The following DET1 variants were observed in gnomAD, a reference collection of about 807,000 sequenced individuals.
The protein encoded by DET1 is DET1 partner of COP1 E3 ubiquitin ligase, also known as DET1 homolog.
In DET1, 22 loss-of-function variants were observed where a neutral mutation model predicts 43.7. That is an observed-to-expected ratio of 0.50 (90% CI 0.36 to 0.72). DET1 has a LOEUF of 0.72. Ranked by LOEUF, DET1 falls within the 30% of genes least tolerant of loss-of-function variation. The probability of loss-of-function intolerance (pLI) is 0.00; values close to 1 mark genes in which losing one functional copy is unlikely to be tolerated. For synonymous variants in DET1, 315 were observed against 266.2 expected (o/e 1.18, Z -1.79); for missense variants, 713 against 713.3 (o/e 1.00, Z 0.00).
rs541072211 is a variant in DET1 at position 88,517,157 on chromosome 15, A to G, written c.1272-184T>C. On this transcript the variant is annotated intron_variant, in intron 3 of 4. Transcript: ENST00000268148. ...AGTCTGGCCAGCTACAAATACTTTTAAAAAGCAAAACATATAACTAAAAAT... is the reference window on the plus strand; with the variant it reads ...AGTCTGGCCAGCTACAAATACTTTTGAAAAGCAAAACATATAACTAAAAAT... 2.6e-5 allele frequency among the ~76,000 whole-genome samples: 4 copies of G among 152,320 alleles called. No individual in the cohort carries two copies. The East Asian group carries it at 7.7e-4, about 29-fold the overall frequency.
chr15:88,529,809 G>T, intron 2 of DET1, among the ~76,000 whole-genome samples: 1 of 152,216 alleles, frequency 6.6e-6, no homozygotes, highest in Middle Eastern at 3.2e-3. Flanking sequence ...CACTGAAGTG[G>T]AGAGGTTTTC....
intron 1 of DET1, among the ~76,000 whole-genome samples, chr15:88,535,336 A>G (rs1467721225): frequency 6.6e-6 from 1 of 152,102 alleles, no homozygotes; most frequent in Non-Finnish European, 1.5e-5. Flanking sequence ...TGAACAAAAG[A>G]GGGAAAAAAT....
At chr15:88,527,944 C>T (rs2056710641) in intron 2 of DET1, among the ~76,000 whole-genome samples, 158 bp from the exon 3 acceptor site, 1 of 152,122 alleles carries the variant, frequency 6.6e-6, no homozygotes, top group Non-Finnish European at 1.5e-5. Flanking sequence ...GGCTTTACCA[C>T]TAAGGTGGAA....
chr15:88,545,184 G>T (rs1390697586), intron 1 of DET1, among the ~76,000 whole-genome samples: 1 of 151,998 alleles, frequency 6.6e-6, no homozygotes, highest in African/African-American at 2.4e-5. Flanking sequence ...AAAAAAAATT[G>T]TAATCCTCTT....
Position 88,531,519 on chromosome 15 carries a change from G to T in DET1, c.187C>A (p.Arg63Ser), listed in dbSNP as rs753272532. The T allele has an allele frequency of 6.2e-7, 1 of 1,613,878 alleles. No homozygotes were observed. Among genetic ancestry groups the T allele is most frequent in the African/African-American group, 1.3e-5 (1 of 74,930 alleles). Residue 63 changes from arginine (R) to serine (S), a missense_variant, in exon 2 of 5, where the codon CGT (arginine) becomes AGT (serine). Physicochemically the swap from Arg to Ser is moderately radical, Grantham distance 110. Coordinates refer to ENST00000268148, the MANE Select transcript of DET1 (RefSeq NM_001144074.3). The surrounding 1 kb of genome is among the most constrained non-coding windows in gnomAD (Gnocchi z 6.2). Reference sequence around the variant, plus strand: ...TAGCGTCCATCAGGTGAGAATTTACGCAAGAAACAAGGAGGCTTTTCAACG... The same window carrying T: ...TAGCGTCCATCAGGTGAGAATTTACTCAAGAAACAAGGAGGCTTTTCAACG... ...VNVEKPPCFLRKFSPDGRYFI... is the reference protein window; with the variant it reads ...VNVEKPPCFLSKFSPDGRYFI...
chr15:88,538,091 C>G (rs910134894), intron 1 of DET1, among the ~76,000 whole-genome samples: 1 of 152,188 alleles, frequency 6.6e-6, no homozygotes, highest in Admixed American at 6.5e-5. Context: ...GCATTTGGTA[C>G]TTTATGGAAC....
intron 7 of DET1, chr15:88,505,745 C>A (rs1208960473): frequency 6.6e-6 from 1 of 152,200 alleles, no homozygotes; most frequent in East Asian, 1.9e-4. Flanking sequence ...AATGCAAATA[C>A]TTTCCTATAT....
chr15:88,523,123 A>C (rs1168291650), intron 3 of DET1, among the ~76,000 whole-genome samples: 1 of 150,360 alleles, frequency 6.7e-6, no homozygotes, highest in East Asian at 2.0e-4. Flanking sequence ...CGATCAGTCC[A>C]CGCCAACCTC....
chr15:88,539,558 T>C (rs534650160), intron 1 of DET1, among the ~76,000 whole-genome samples: 1 of 152,288 alleles, frequency 6.6e-6, no homozygotes, highest in East Asian at 1.9e-4. Context: ...TATTGTCTTG[T>C]TTAGTGGTTG....
At chr15:88,545,358 C>T (rs1190865982) in intron 1 of DET1, among the ~76,000 whole-genome samples, 4 of 152,128 alleles carry the variant, frequency 2.6e-5, no homozygotes, top group African/African-American at 7.2e-5. Flanking sequence ...CTCTAGGTGA[C>T]CCTATGTTCC....
At chr15:88,509,054 G>C (rs1598309227), downstream of DET1, among the ~76,000 whole-genome samples, 1 of 152,216 alleles carries the variant, frequency 6.6e-6, no homozygotes, top group African/African-American at 2.4e-5. Context: ...GTAAGGCAGG[G>C]AACAAGTACA....
intron 1 of DET1, among the ~76,000 whole-genome samples, chr15:88,535,181 T>C (rs1008927325): frequency 6.6e-6 from 1 of 152,192 alleles, no homozygotes; most frequent in African/African-American, 2.4e-5. Flanking sequence ...CTAGCTTCCA[T>C]AGACTCTAGT....
chr15:88,520,262 T>G (rs572339970), intron 3 of DET1, among the ~76,000 whole-genome samples: 20 of 152,266 alleles, frequency 1.3e-4, no homozygotes, highest in African/African-American at 4.8e-4. Flanking sequence ...AATGCACCAC[T>G]TTTCAGCTCC....
At chr15:88,509,159 A>T (rs1281048724), downstream of DET1, among the ~76,000 whole-genome samples, 2 of 152,148 alleles carry the variant, frequency 1.3e-5, no homozygotes, top group East Asian at 3.9e-4. Context: ...ATACTGGAGG[A>T]GTTTTTTAAT....
chr15:88,521,138 G>A (rs12899504), intron 3 of DET1, among the ~76,000 whole-genome samples: 105,343 of 152,008 alleles, frequency 0.69, 36,753 homozygotes, highest in South Asian at 0.8. Context: ...TCTGCCCCTC[G>A]CTCACTCCAG....
chr15:88,510,575 C>T (rs1314365269), downstream of DET1, among the ~76,000 whole-genome samples: 1 of 152,144 alleles, frequency 6.6e-6, no homozygotes, highest in Admixed American at 6.5e-5. Flanking sequence ...AATAATGGCT[C>T]AACTCAGGAT....
chr15:88,543,354 CTT>C lies in DET1; in HGVS notation c.-11+3184_-11+3185del, dbSNP rs369978706. Among the ~76,000 whole-genome samples, 45 of 152,336 alleles carry C rather than the reference CTT, an allele frequency of 3.0e-4. No homozygotes were observed. The South Asian group carries it at 7.7e-3, about 26-fold the overall frequency. On this transcript the variant is annotated intron_variant, in intron 1 of 4. Transcript: ENST00000268148. Reference sequence around the variant, plus strand: ...CTTACAGCTCCTCATGCTGTAGAGACTTTACTACAAAGTGCTTCAGGTAAATG... The same window carrying C: ...CTTACAGCTCCTCATGCTGTAGAGACTACTACAAAGTGCTTCAGGTAAATG...
At position 88,512,613 on chromosome 15, in the gene DET1, C is replaced by G; in HGVS notation, c.*338G>C. 3 of 1,042,778 alleles carry G rather than the reference C, an allele frequency of 2.9e-6. No individual in the cohort carries two copies. The highest frequency in any genetic ancestry group is 3.5e-6 in the Non-Finnish European group (3 of 867,348). 64.6% of individuals were successfully genotyped at this position (1,042,778 alleles called of 1,614,324 possible). A position where few individuals can be genotyped will look rare whatever the true frequency, so the allele number is the denominator to read the frequency against. ...TGCTTTCAGATGCAAACCATAATGC[C>G]GAAGAAGTGACATGAAGGGGATAAA... is the stretch of plus-strand genomic sequence containing the variant. On this transcript the variant is annotated 3_prime_UTR_variant, in exon 5 of 5. Transcript: ENST00000268148.
Position 88,531,672 on chromosome 15 carries a change from T to C in DET1, c.34A>G (p.Arg12Gly). 1 of 1,611,532 alleles carries C rather than the reference T, an allele frequency of 6.2e-7. No homozygotes were observed. Among genetic ancestry groups the C allele is most frequent in the Non-Finnish European group, 8.5e-7 (1 of 1,177,714 alleles). ...TGAATGACATTTTGGTTTTGGATTCTTCGAGGCTTGATGGTAGAAACATGA... is the reference window on the plus strand; with the variant it reads ...TGAATGACATTTTGGTTTTGGATTCCTCGAGGCTTGATGGTAGAAACATGA... ...DHHVSTIKPR[R>G]IQNQNVIHRL... Residue 12 changes from arginine to glycine, a missense_variant, in exon 2 of 5, where the codon AGA becomes GGA. Transcript: ENST00000268148. The surrounding 1 kb of genome is among the most constrained non-coding windows in gnomAD (Gnocchi z 6.2).
Sources: allele counts gnomAD v4.1 joint callset (sites outside exome capture counted in the v4.1 genomes callset), GRCh38; gene constraint gnomAD v4.1.1; non-coding constraint Gnocchi (gnomAD v3.1); transcripts MANE v1.5; gene names NCBI Gene and HGNC (gene_info 2026-07-23, HGNC 2026-07-21).